Variants in ANKRD28 observed in about 807,000 individuals in gnomAD.
The protein encoded by ANKRD28 is serine/threonine-protein phosphatase 6 regulatory ankyrin repeat subunit A.
ANKRD28 carries 44 observed loss-of-function variants against 126.5 expected under a neutral mutation model. That is an observed-to-expected ratio of 0.35 (90% CI 0.27 to 0.45). The LOEUF (loss-of-function observed/expected upper bound fraction) is 0.45. Ranked by LOEUF, ANKRD28 falls within the 20% of genes least tolerant of loss-of-function variation. The pLI, the probability that ANKRD28 is intolerant of heterozygous loss-of-function variation, is 1.00. For synonymous variants in ANKRD28, 442 were observed against 468.5 expected (o/e 0.94, Z 0.73); for missense variants, 1,110 against 1,316.6 (o/e 0.84, Z 2.43).
In ANKRD28 at chr3:15,724,485, G is replaced by T; in HGVS notation, c.680C>A (p.Ala227Asp). 1 of 1,591,348 alleles carries T rather than the reference G, an allele frequency of 6.3e-7. No homozygotes were observed. The highest frequency in any genetic ancestry group is 8.6e-7 in the Non-Finnish European group (1 of 1,167,874). The change falls in exon 7 of 28, where the codon GCT becomes GAT. Residue 227 changes from alanine (A) to aspartate (D), a missense_variant. Transcript: ENST00000683139. ...CTTTTTATCCTTGCATGTCACTTCAGCTCCATGCGACACAAGCAATTTCAC... is the reference window on the plus strand; with the variant it reads ...CTTTTTATCCTTGCATGTCACTTCATCTCCATGCGACACAAGCAATTTCAC... Reference protein sequence around the residue: ...EVVKLLVSHGAEVTCKDKKSY... With the variant: ...EVVKLLVSHGDEVTCKDKKSY...
In ANKRD28 at chr3:15,830,435, C is replaced by T. The variant is rs375500805; in HGVS notation, c.27+28942G>A. 1.1e-4 allele frequency among the ~76,000 whole-genome samples: 17 copies of T among 152,086 alleles called. No homozygotes were observed. The East Asian group carries it at 1.7e-3, about 16-fold the overall frequency. ...TCAACTCTGACTCCTGTCAGAGTAGCGCAGCATTAGATTCTCATAGGACTG... is the reference window on the plus strand; with the variant it reads ...TCAACTCTGACTCCTGTCAGAGTAGTGCAGCATTAGATTCTCATAGGACTG... On this transcript the variant is annotated intron_variant, in intron 1 of 27. Coordinates refer to the ANKRD28 transcript ENST00000399451. This position sits in a 1 kb window ranked among gnomAD's most constrained non-coding sequence, Gnocchi z 4.5.
At position 15,814,704 on chromosome 3, in the gene ANKRD28, A is replaced by G. The variant is rs1228702935; in HGVS notation, c.28-19398T>C. ...TAATATATTCAGTTACTTACTAATC[A>G]GCAATTATTTACCCATGGGGACGTG... On this transcript the variant is annotated intron_variant, in intron 1 of 27. Coordinates refer to the ANKRD28 transcript ENST00000399451. The surrounding 1 kb of genome is among the most constrained non-coding windows in gnomAD (Gnocchi z 4.7). 6.6e-6 allele frequency among the ~76,000 whole-genome samples: 1 copy of G among 152,030 alleles called. No individual in the cohort carries two copies. The highest frequency in any genetic ancestry group is 1.5e-5 in the Non-Finnish European group (1 of 67,966).
intron 2 of ANKRD28, among the ~76,000 whole-genome samples, chr3:15,782,442 T>C (rs1183772359): frequency 6.6e-6 from 1 of 152,114 alleles, no homozygotes; most frequent in Non-Finnish European, 1.5e-5. Flanking sequence ...ATAAGCTTTG[T>C]CATATACTCT....
rs1669681374 is a variant in ANKRD28 at position 15,846,340 on chromosome 3, A to C, written c.27+13037T>G. On this transcript the variant is annotated intron_variant, in intron 1 of 27. Transcript: ENST00000399451. The surrounding 1 kb of genome is among the most constrained non-coding windows in gnomAD (Gnocchi z 5.4). Reference sequence around the variant, plus strand: ...CCAGCAAGGCAGTCATTAAATCTTAAAGCTCCAAAATAATCTCCTTTGACT... The same window carrying C: ...CCAGCAAGGCAGTCATTAAATCTTACAGCTCCAAAATAATCTCCTTTGACT... 6.6e-6 allele frequency among the ~76,000 whole-genome samples: 1 copy of C among 152,186 alleles called. No individual in the cohort carries two copies. Among genetic ancestry groups the C allele is most frequent in the African/African-American group, 2.4e-5 (1 of 41,440 alleles).
At chr3:15,699,459 T>C (rs1005541071) in intron 14 of ANKRD28, among the ~76,000 whole-genome samples, 1 of 152,116 alleles carries the variant, frequency 6.6e-6, no homozygotes, top group Non-Finnish European at 1.5e-5. Context: ...ACAGGCAATC[T>C]ACAGAATGGG....
At chr3:15,809,459 G>A (rs1224562038) in intron 1 of ANKRD28, among the ~76,000 whole-genome samples, 5 of 152,134 alleles carry the variant, frequency 3.3e-5, no homozygotes, top group Non-Finnish European at 7.4e-5. Flanking sequence ...AACATGTCTC[G>A]TTCAGGAAAG....
intron 1 of ANKRD28, among the ~76,000 whole-genome samples, chr3:15,836,957 G>A (rs180833609): frequency 3.9e-5 from 6 of 151,916 alleles, no homozygotes; most frequent in East Asian, 3.9e-4. Context: ...AAAATTAGCC[G>A]GGCATGGTGG....
Position 15,854,627 on chromosome 3 carries a change from A to C in ANKRD28, c.27+4750T>G, listed in dbSNP as rs925175032. On this transcript the variant is annotated intron_variant, in intron 1 of 27. Coordinates refer to the ANKRD28 transcript ENST00000399451. The surrounding 1 kb of genome is among the most constrained non-coding windows in gnomAD (Gnocchi z 4.1). ...CTCCACATGTTTTCCTTCAGCCTCT[A>C]TAAGTCTCTTCATGTGATGTATCTC... is the stretch of plus-strand genomic sequence containing the variant. 6.6e-6 allele frequency among the ~76,000 whole-genome samples: 1 copy of C among 152,058 alleles called. No homozygotes were observed. Among genetic ancestry groups the C allele is most frequent in the Non-Finnish European group, 1.5e-5 (1 of 68,008 alleles).
chr3:15,813,048 T>A (rs1378788107), intron 1 of ANKRD28, among the ~76,000 whole-genome samples: 2 of 59,536 alleles, frequency 3.4e-5, no homozygotes, highest in South Asian at 1.1e-3. Flanking sequence ...AATCACCTCC[T>A]TTTTTTTTTT....
rs1389738049 is a variant in ANKRD28, at chr3:15,797,283, G to A, written c.-762C>T. The A allele has an allele frequency of 1.0e-6, 1 of 984,244 alleles. No individual in the cohort carries two copies. The highest frequency in any genetic ancestry group is 1.8e-5 in the African/African-American group (1 of 56,886). 61.0% of individuals were successfully genotyped at this position (984,244 alleles called of 1,614,324 possible). ...ACATGTGATGAGTCAGACCACAAGA[G>A]ACAATACGACTCTTGGTACTAGAAT... On this transcript the variant is annotated 5_prime_UTR_variant, in exon 1 of 28. Coordinates refer to ENST00000683139, the MANE Select transcript of ANKRD28 (RefSeq NM_001349278.2).
At chr3:15,857,355 G>A (rs2061796133) in intron 1 of ANKRD28, among the ~76,000 whole-genome samples, 2 of 152,122 alleles carry the variant, frequency 1.3e-5, no homozygotes, top group South Asian at 2.1e-4. Flanking sequence ...TGCAACCTCC[G>A]CTCACTGCAA....
intron 2 of ANKRD28, among the ~76,000 whole-genome samples, chr3:15,773,703 T>C (rs549023403): frequency 2.6e-5 from 4 of 152,262 alleles, no homozygotes; most frequent in African/African-American, 9.6e-5. Context: ...AAGTAAATGA[T>C]GAGAGACCAT....
At chr3:15,844,997 T>G (rs2061500407) in intron 1 of ANKRD28, among the ~76,000 whole-genome samples, 1 of 152,144 alleles carries the variant, frequency 6.6e-6, no homozygotes, top group Non-Finnish European at 1.5e-5. Context: ...GAAGCAGGCA[T>G]ATCTTACATG....
Position 15,838,647 on chromosome 3 carries a change from C to G in ANKRD28, c.27+20730G>C, listed in dbSNP as rs2061369231. Among the ~76,000 whole-genome samples, 1 of 151,806 alleles carries G rather than the reference C, an allele frequency of 6.6e-6. No homozygotes were observed. Among genetic ancestry groups the G allele is most frequent in the African/African-American group, 2.4e-5 (1 of 41,290 alleles). ...CCTGTAATCCCAGCTACTTGGGAGG[C>G]TGAGGCAGGAGAACTACTTGAACCC... On this transcript the variant is annotated intron_variant, in intron 1 of 27. Transcript: ENST00000399451. This position sits in a 1 kb window ranked among gnomAD's most constrained non-coding sequence, Gnocchi z 4.0.
chr3:15,834,761 T>G (rs1255931699), intron 1 of ANKRD28, among the ~76,000 whole-genome samples: 6 of 152,214 alleles, frequency 3.9e-5, no homozygotes, highest in Admixed American at 3.9e-4. Context: ...TATTTATACA[T>G]TTATAGAAAG....
chr3:15,717,155 T>A (rs1204577417), intron 8 of ANKRD28, among the ~76,000 whole-genome samples: 1 of 152,134 alleles, frequency 6.6e-6, no homozygotes, highest in Admixed American at 6.6e-5. Context: ...TTATTTATTT[T>A]GTTTTAGAGA....
At chr3:15,789,037 A>C (rs994586493) in intron 2 of ANKRD28, among the ~76,000 whole-genome samples, 1 of 151,942 alleles carries the variant, frequency 6.6e-6, no homozygotes, top group African/African-American at 2.4e-5. Context: ...TCTATGTACC[A>C]CTCTGCTTTT....
At chr3:15,857,721 A>G (rs2061805035) in intron 1 of ANKRD28, among the ~76,000 whole-genome samples, 1 of 152,258 alleles carries the variant, frequency 6.6e-6, no homozygotes, top group Admixed American at 6.5e-5. Flanking sequence ...ACAATCCTGA[A>G]AAACACAATC....
In ANKRD28 at chr3:15,795,318, G is replaced by C. The variant is rs756140751; in HGVS notation, c.118-12C>G. The C allele has an allele frequency of 1.1e-5, 17 of 1,578,372 alleles. 1 individual carries two copies. Among genetic ancestry groups the C allele is most frequent in the Middle Eastern group, 3.3e-4 (2 of 5,994 alleles). On this transcript the variant is annotated splice_polypyrimidine_tract_variant and intron_variant, in intron 1 of 27. Transcript: ENST00000683139. ...TGCACCAGTGATGGCTAAAATAGAA[G>C]AGAGTAATAAAAACATTAGAATCAT...
Sources: allele counts gnomAD v4.1 joint callset (sites outside exome capture counted in the v4.1 genomes callset), GRCh38; gene constraint gnomAD v4.1.1; non-coding constraint Gnocchi (gnomAD v3.1); transcripts MANE v1.5; gene names NCBI Gene and HGNC (gene_info 2026-07-23, HGNC 2026-07-21).